ADGB: variants seen among roughly 807,000 people sequenced by gnomAD.
ADGB encodes androglobin.
Under a neutral mutation model 210.5 loss-of-function variants are expected in ADGB, and 172 were observed. The ratio of observed to expected loss-of-function variants is 0.82; its 90% CI spans 0.72 to 0.93. The LOEUF (loss-of-function observed/expected upper bound fraction) is 0.93, where lower values mean the gene tolerates loss of function less well. Ranked by LOEUF, ADGB falls within the 40% of genes least tolerant of loss-of-function variation. The pLI is 0.00. For missense variants in ADGB, 2,025 were observed against 1,964.8 expected (o/e 1.03, Z -0.58); for synonymous variants, 658 against 662.7 (o/e 0.99, Z 0.11).
At position 146,772,423 on chromosome 6, in the gene ADGB, T is replaced by TTTTA. The variant is rs1554254150; in HGVS notation, c.3862+3293_3862+3294insTTAT. Among the ~76,000 whole-genome samples the TTTTA allele has an allele frequency of 1.4e-4, 21 of 145,382 alleles. No individual in the cohort carries two copies. The South Asian group carries it at 3.8e-3, about 26-fold the overall frequency. On this transcript the variant is annotated intron_variant, in intron 29 of 35. Transcript: ENST00000397944. ...TAGTTAAATATATATATTATATTTA[T>TTTTA]TATATATATATATCACACAGCTGGT...
intron 18 of ADGB, 64 bp from the exon 19 acceptor site, chr6:146,726,019 C>A: frequency 2.0e-6 from 2 of 1,017,854 alleles, no homozygotes; most frequent in Non-Finnish European, 2.9e-6. Flanking sequence ...GAATAAGCAA[C>A]TCACAGGTCA....
intron 3 of ADGB, among the ~76,000 whole-genome samples, chr6:146,649,823 A>C (rs1775673279): frequency 6.6e-6 from 1 of 152,132 alleles, no homozygotes; most frequent in Admixed American, 6.6e-5. Context: ...AACAAGTTTT[A>C]TTTACCAAAG....
At chr6:146,618,703 G>A (rs1234302989) in intron 1 of ADGB, among the ~76,000 whole-genome samples, 2 of 151,708 alleles carry the variant, frequency 1.3e-5, no homozygotes, top group Non-Finnish European at 2.9e-5. Context: ...TTCCATTATA[G>A]TCAGAAAAGA....
At chr6:146,774,981 G>A (rs1158004973) in intron 29 of ADGB, among the ~76,000 whole-genome samples, 1 of 152,124 alleles carries the variant, frequency 6.6e-6, no homozygotes, top group South Asian at 2.1e-4. Flanking sequence ...CCATTTTGGT[G>A]AGGCTGATCT....
At chr6:146,662,471 GC>G (rs1775875751) in intron 5 of ADGB, among the ~76,000 whole-genome samples, 1 of 151,790 alleles carries the variant, frequency 6.6e-6, no homozygotes, top group African/African-American at 2.4e-5. Context: ...CTATTTTTAT[GC>G]CTTTATATCT....
At chr6:146,757,810 A>C (rs1777430018) in intron 27 of ADGB, among the ~76,000 whole-genome samples, 1 of 152,072 alleles carries the variant, frequency 6.6e-6, no homozygotes, top group African/African-American at 2.4e-5. Context: ...AGAAGCCCTT[A>C]CAGGAAGGCT....
At chr6:146,671,870 T>C (rs1459068734) in intron 7 of ADGB, among the ~76,000 whole-genome samples, 1 of 152,170 alleles carries the variant, frequency 6.6e-6, no homozygotes, top group African/African-American at 2.4e-5. Flanking sequence ...ACCTTCTACA[T>C]AAGTGATCAT....
chr6:146,638,737 T>A (rs1775464659), intron 2 of ADGB: 1 of 146,774 alleles, frequency 6.8e-6, no homozygotes, highest in African/African-American at 2.5e-5. Flanking sequence ...ACATGTACCC[T>A]AAAACTTAAA....
At chr6:146,811,578 A>G (rs674792) in intron 35 of ADGB, among the ~76,000 whole-genome samples, 109,282 of 151,658 alleles carry the variant, frequency 0.72, 40,532 homozygotes, top group African/African-American at 0.91. Context: ...TAAGTGATGT[A>G]TTTTTGATCA....
chr6:146,752,661 C>T lies in ADGB; in HGVS notation c.3497C>T (p.Ala1166Val). 1 of 1,550,840 alleles carries T rather than the reference C, an allele frequency of 6.4e-7. No homozygotes were observed. The change falls in exon 27 of 36, where the codon GCT becomes GTT. Residue 1166 changes from alanine to valine, a missense_variant. Ala to Val is a moderately conservative substitution (Grantham distance 64, BLOSUM62 0). Transcript: ENST00000397944. ...GTGAGCTCCACTGGAAAAGGCCAAG[C>T]TATAATCCCAGCATTTCACTTCTTG... is the stretch of plus-strand genomic sequence containing the variant. ...TMVSSTGKGQ[A>V]IIPAFHFLKS...
At chr6:146,730,044 C>T (rs1013286368) in intron 20 of ADGB, among the ~76,000 whole-genome samples, 4 of 152,006 alleles carry the variant, frequency 2.6e-5, no homozygotes, top group Admixed American at 6.6e-5. Flanking sequence ...TACAGGACAC[C>T]CAGTTAAATT....
chr6:146,752,731 G>T lies in ADGB; in HGVS notation c.3550+17G>T. On this transcript the variant is annotated intron_variant, in intron 27 of 35. Coordinates refer to ENST00000397944, the MANE Select transcript of ADGB (RefSeq NM_024694.4). ...GCTCCCAGTGTAAGTGTACCTTTAT[G>T]AACAGGATAGTTAGATTCATAAATG... The T allele has an allele frequency of 1.3e-6, 2 of 1,528,482 alleles. No individual in the cohort carries two copies. Among genetic ancestry groups the T allele is most frequent in the South Asian group, 1.3e-5 (1 of 79,856 alleles). 94.7% of individuals were successfully genotyped at this position (1,528,482 alleles called of 1,614,324 possible). A position where few individuals can be genotyped will look rare whatever the true frequency, so the allele number is the denominator to read the frequency against.
chr6:146,697,377 CTTTGAA>C (rs1485426461), intron 12 of ADGB, among the ~76,000 whole-genome samples: 1 of 152,084 alleles, frequency 6.6e-6, no homozygotes, highest in Non-Finnish European at 1.5e-5. Context: ...CAAATTTACA[CTTTGAA>C]TTTGTGCAGT....
intron 29 of ADGB, 90 bp downstream of exon 29, chr6:146,769,221 A>G (rs1777619272): frequency 3.2e-6 from 2 of 621,610 alleles, no homozygotes; most frequent in Admixed American, 2.6e-5. Flanking sequence ...AGTCATGAAA[A>G]TATCATTGTA....
intron 28 of ADGB, among the ~76,000 whole-genome samples, chr6:146,768,115 A>G (rs939325008): frequency 6.6e-6 from 1 of 152,242 alleles, no homozygotes; most frequent in Admixed American, 6.5e-5. Context: ...TGACTTGAAT[A>G]AATAGAGAAG....
chr6:146,660,934 G>A (rs1373243443), intron 5 of ADGB, among the ~76,000 whole-genome samples: 1 of 152,046 alleles, frequency 6.6e-6, no homozygotes, highest in East Asian at 1.9e-4. Context: ...TATTTTGTGT[G>A]TGTTACTTTG....
intron 8 of ADGB, among the ~76,000 whole-genome samples, chr6:146,673,895 G>A (rs1032721623): frequency 6.6e-6 from 1 of 152,128 alleles, no homozygotes; most frequent in Non-Finnish European, 1.5e-5. Flanking sequence ...TATTTACCAA[G>A]GAGACAGTAT....
chr6:146,606,303 T>C (rs1780628763), intron 1 of ADGB, among the ~76,000 whole-genome samples: 1 of 152,232 alleles, frequency 6.6e-6, no homozygotes, highest in Non-Finnish European at 1.5e-5. Flanking sequence ...TAAACTATTG[T>C]CAGATGCATA....
At chr6:146,723,189 C>T (rs1776845828) in intron 17 of ADGB, among the ~76,000 whole-genome samples, 3 of 151,940 alleles carry the variant, frequency 2.0e-5, no homozygotes, top group Non-Finnish European at 4.4e-5. Context: ...AACCAAAAGC[C>T]CTGAAGCCAC....
Sources: gnomAD v4.1 joint callset for allele counts (sites outside exome capture counted in the v4.1 genomes callset) on GRCh38, gnomAD v4.1.1 for gene constraint, MANE v1.5 for transcripts, NCBI Gene and HGNC (gene_info 2026-07-23, HGNC 2026-07-21) for gene names.